KCNT1: variants seen among roughly 807,000 people sequenced by gnomAD.
KCNT1 encodes the protein potassium channel subfamily T member 1.
In KCNT1, 78 loss-of-function variants were observed where a neutral mutation model predicts 147.8. The ratio of observed to expected loss-of-function variants is 0.53; its 90% CI spans 0.44 to 0.64. The LOEUF (loss-of-function observed/expected upper bound fraction) is 0.64. Among genes scored for constraint, KCNT1 ranks in the 30% least tolerant of loss-of-function variants. The probability of loss-of-function intolerance (pLI) is 0.00; values close to 1 mark genes in which losing one functional copy is unlikely to be tolerated. For missense variants in KCNT1, 1,419 were observed against 1,750.3 expected (o/e 0.81, Z 3.38); for synonymous variants, 867 against 748.8 (o/e 1.16, Z -2.58).
In KCNT1 at chr9:135,714,455, C is replaced by T. The variant is rs1038776265; in HGVS notation, c.111-122C>T. On this transcript the variant is annotated intron_variant, in intron 1 of 30. Coordinates refer to ENST00000371757, the MANE Select transcript of KCNT1 (RefSeq NM_020822.3). This position sits in a 1 kb window ranked among gnomAD's most constrained non-coding sequence, Gnocchi z 6.2. ...GGCCCGCCCCCGCCCGGCCGCCCGC[C>T]CGCCCGGTGGGTCGCGGTGGCCGCG... 1 of 618,730 alleles carries T rather than the reference C, an allele frequency of 1.6e-6. No homozygotes were observed. The highest frequency in any genetic ancestry group is 2.0e-5 in the African/African-American group (1 of 49,340). 38.3% of individuals were successfully genotyped at this position (618,730 alleles called of 1,614,324 possible). A position where few individuals can be genotyped will look rare whatever the true frequency, so the allele number is the denominator to read the frequency against.
intron 2 of KCNT1, among the ~76,000 whole-genome samples, chr9:135,726,722 ACT>A (rs1268868659): frequency 1.7e-5 from 1 of 58,208 alleles, no homozygotes; most frequent in African/African-American, 7.1e-5. Context: ...TCTCTCTCTC[ACT>A]CTCTACCTTT....
chr9:135,775,051 G>A (rs1191199777), intron 19 of KCNT1, among the ~76,000 whole-genome samples: 3 of 152,314 alleles, frequency 2.0e-5, no homozygotes, highest in South Asian at 4.1e-4. Flanking sequence ...TGACTGCCCT[G>A]CAGGACACAC....
intron 24 of KCNT1, among the ~76,000 whole-genome samples, chr9:135,782,277 G>A (rs964525463): frequency 6.6e-6 from 1 of 152,196 alleles, no homozygotes; most frequent in African/African-American, 2.4e-5. Flanking sequence ...CTCCCCTTGA[G>A]GGCTGGCTCC....
intron 2 of KCNT1, among the ~76,000 whole-genome samples, chr9:135,746,051 C>T (rs969316373): frequency 1.3e-5 from 2 of 152,246 alleles, no homozygotes; most frequent in Non-Finnish European, 2.9e-5. Context: ...GAAGACAGAT[C>T]GCACCAGTCA....
intron 9 of KCNT1, 23 bp from the exon 10 acceptor site, chr9:135,758,391 G>A (rs1314403966): frequency 1.3e-6 from 2 of 1,593,378 alleles, no homozygotes; most frequent in African/African-American, 1.3e-5. Context: ...CCTGCCCGCT[G>A]ACAGCCACCA....
chr9:135,772,032 G>A (rs914016882), intron 18 of KCNT1, among the ~76,000 whole-genome samples: 14 of 152,264 alleles, frequency 9.2e-5, no homozygotes, highest in South Asian at 4.1e-4. Context: ...GTGCCGATGC[G>A]GAGCCCACCA....
At chr9:135,775,191 C>G (rs1201235495) in intron 19 of KCNT1, 119 bp from the exon 20 acceptor site, 3 of 663,336 alleles carry the variant, frequency 4.5e-6, no homozygotes, top group Non-Finnish European at 7.6e-6. Flanking sequence ...TGCGTGACCC[C>G]GAGCAACGTG....
intron 3 of KCNT1, 89 bp downstream of exon 3, chr9:135,750,266 T>C: frequency 9.2e-7 from 1 of 1,089,648 alleles, no homozygotes; most frequent in Admixed American, 1.9e-5. Context: ...GCTGGGGCTG[T>C]GAGCTCAGGG....
In KCNT1 at chr9:135,750,086, C is replaced by G. The variant is rs778749299; in HGVS notation, c.255-12C>G. The G allele has an allele frequency of 2.5e-6, 4 of 1,612,810 alleles. No individual in the cohort carries two copies. In the Admixed American group the frequency reaches 6.7e-5, roughly 27 times the overall value. On this transcript the variant is annotated splice_polypyrimidine_tract_variant and intron_variant, in intron 2 of 30. Transcript: ENST00000371757. Reference sequence around the variant, plus strand: ...TGGCCCTGAGCCTCCATGCCCCTCTCTGCTTCTTCAGGGTCCAGGTGGAGT... The same window carrying G: ...TGGCCCTGAGCCTCCATGCCCCTCTGTGCTTCTTCAGGGTCCAGGTGGAGT...
At chr9:135,748,189 C>G (rs1830947575) in intron 2 of KCNT1, among the ~76,000 whole-genome samples, 1 of 152,216 alleles carries the variant, frequency 6.6e-6, no homozygotes, top group Admixed American at 6.5e-5. Flanking sequence ...CCACCTCTGC[C>G]TCCCAAGTTC....
chr9:135,791,970 CGCTCAGCAGAGG>C (rs1834570945), intron 30 of KCNT1, 59 bp from the exon 31 acceptor site: 10 of 1,607,610 alleles, frequency 6.2e-6, no homozygotes, highest in African/African-American at 1.3e-5. Flanking sequence ...ACAGTGGGGC[CGCTCAGCAGAGG>C]GCTGAGCAGG....
At chr9:135,720,767 G>T (rs1021792170) in intron 2 of KCNT1, among the ~76,000 whole-genome samples, 10 of 152,282 alleles carry the variant, frequency 6.6e-5, no homozygotes, top group Non-Finnish European at 7.4e-5. Flanking sequence ...GAGTTTCTGC[G>T]TGAAGGCGTG....
Position 135,765,568 on chromosome 9 carries a change from C to T in KCNT1, c.1201-56C>T, listed in dbSNP as rs776939690. ...ACAAACACAGTCCTGAAGGCAGGGC[C>T]GCCCGGGCGGGGCAGGGGCTGGCTC... On this transcript the variant is annotated intron_variant, in intron 12 of 30. Transcript: ENST00000371757. The T allele has an allele frequency of 1.9e-5, 29 of 1,562,236 alleles. 1 individual carries two copies. Among genetic ancestry groups the T allele is most frequent in the South Asian group, 8.2e-5 (7 of 85,340 alleles).
rs374950838 is a variant in KCNT1 at position 135,769,598 on chromosome 9, C to T, written c.1511-349C>T. Among the ~76,000 whole-genome samples, 12 of 152,278 alleles carry T rather than the reference C, an allele frequency of 7.9e-5. No homozygotes were observed. In the East Asian group the frequency reaches 9.7e-4, roughly 12 times the overall value. ...GCACCTCTATGGGCAGGGACCATGCCGGGTGCCCGGGGAACGGGGGGCAGG... is the reference window on the plus strand; with the variant it reads ...GCACCTCTATGGGCAGGGACCATGCTGGGTGCCCGGGGAACGGGGGGCAGG... On this transcript the variant is annotated intron_variant, in intron 15 of 30. Coordinates refer to ENST00000371757, the MANE Select transcript of KCNT1 (RefSeq NM_020822.3).
chr9:135,788,398 GT>G (rs1834234930), intron 29 of KCNT1, among the ~76,000 whole-genome samples: 1 of 152,256 alleles, frequency 6.6e-6, no homozygotes, highest in African/African-American at 2.4e-5. Flanking sequence ...GCTAGTCAAG[GT>G]GCTGTTGGCC....
rs142534422 is a variant in KCNT1, at chr9:135,770,914, C to T, written c.1827C>T (p.Asn609=). ...KREDNKSILL[N]PGPRHILAAS... is the part of the protein sequence containing the mutation. ...AGGACAACAAGAGCATCCTGCTGAA[C>T]CCGGGGCCCCGGCACATCCTGGCCG... The change falls in exon 18 of 31, where the codon AAC becomes AAT. Residue 609 remains asparagine, a synonymous_variant. Coordinates refer to ENST00000371757, the MANE Select transcript of KCNT1 (RefSeq NM_020822.3). The T allele has an allele frequency of 2.4e-5, 39 of 1,609,488 alleles. No individual in the cohort carries two copies. The African/African-American group carries it at 5.1e-4, about 21-fold the overall frequency.
rs987307706 is a variant in KCNT1, at chr9:135,730,959, C to T, written c.254+16239C>T. On this transcript the variant is annotated intron_variant, in intron 2 of 30. Transcript: ENST00000371757. This position sits in a 1 kb window ranked among gnomAD's most constrained non-coding sequence, Gnocchi z 4.7. The stretch of plus-strand genomic sequence containing the variant: ...GATGTTCATGCCACTGCACTCCAGC[C>T]TGGGCAACAAAGTGAGATCCCGTCT... Among the ~76,000 whole-genome samples, 2 of 132,002 alleles carry T rather than the reference C, an allele frequency of 1.5e-5. No homozygotes were observed. The highest frequency in any genetic ancestry group is 3.1e-5 in the Non-Finnish European group (2 of 64,234). The allele number at this position is 132,002 out of a possible 152,430, so 86.6% of individuals were successfully genotyped here.
chr9:135,739,555 G>A lies in KCNT1; in HGVS notation c.255-10543G>A, dbSNP rs1830476686. On this transcript the variant is annotated intron_variant, in intron 2 of 30. Coordinates refer to ENST00000371757, the MANE Select transcript of KCNT1 (RefSeq NM_020822.3). The stretch of plus-strand genomic sequence containing the variant: ...CTCCTCCATGCCCCCCTCACCCCGG[G>A]CACACGCCCGGCGCCCCACCCTCTT... Among the ~76,000 whole-genome samples, 3 of 152,002 alleles carry A rather than the reference G, an allele frequency of 2.0e-5. No homozygotes were observed. In the South Asian group the frequency reaches 6.2e-4, roughly 32 times the overall value.
At chr9:135,728,762 A>T (rs1390167483) in intron 2 of KCNT1, among the ~76,000 whole-genome samples, 1 of 152,180 alleles carries the variant, frequency 6.6e-6, no homozygotes, top group Non-Finnish European at 1.5e-5. Flanking sequence ...GCAGCTGGTG[A>T]GCTCAATCCA....
Sources: allele counts gnomAD v4.1 joint callset (sites outside exome capture counted in the v4.1 genomes callset), GRCh38; gene constraint gnomAD v4.1.1; non-coding constraint Gnocchi (gnomAD v3.1); transcripts MANE v1.5; gene names NCBI Gene and HGNC (gene_info 2026-07-23, HGNC 2026-07-21).